Variants in EGFLAM observed in about 807,000 individuals in gnomAD.
EGFLAM encodes the protein EGF like, fibronectin type III and laminin G domains.
A neutral mutation model predicts 113.1 loss-of-function variants in EGFLAM; 79 were observed. That is an observed-to-expected ratio of 0.70 (90% CI 0.58 to 0.84). The LOEUF (loss-of-function observed/expected upper bound fraction) is 0.84. Ranked by LOEUF, EGFLAM falls within the 40% of genes least tolerant of loss-of-function variation. The probability of loss-of-function intolerance (pLI) is 0.00; values close to 1 mark genes in which losing one functional copy is unlikely to be tolerated. For synonymous variants in EGFLAM, 504 were observed against 487.6 expected (o/e 1.03, Z -0.44); for missense variants, 1,265 against 1,291.6 (o/e 0.98, Z 0.32).
intron 1 of EGFLAM, among the ~76,000 whole-genome samples, chr5:38,294,401 A>G (rs1367182646): frequency 6.6e-6 from 1 of 152,214 alleles, no homozygotes; most frequent in Non-Finnish European, 1.5e-5. Context: ...AGCAAATAAT[A>G]TGGCCATCCC....
At chr5:38,440,350 C>T (rs1742493060) in intron 17 of EGFLAM, among the ~76,000 whole-genome samples, 1 of 152,082 alleles carries the variant, frequency 6.6e-6, no homozygotes, top group African/African-American at 2.4e-5. Flanking sequence ...GAGGTATGGC[C>T]CCTATCCCAT....
intron 5 of EGFLAM, among the ~76,000 whole-genome samples, chr5:38,352,664 C>T (rs1336844854): frequency 6.7e-6 from 1 of 149,402 alleles, no homozygotes; most frequent in Non-Finnish European, 1.5e-5. Context: ...AAAAAAAAGC[C>T]AAATGTGTAG....
intron 1 of EGFLAM, among the ~76,000 whole-genome samples, chr5:38,293,132 C>A (rs750785287): frequency 2.0e-5 from 3 of 152,268 alleles, no homozygotes; most frequent in Non-Finnish European, 4.4e-5. Context: ...TTACTTTTAA[C>A]CTTTTAATTC....
intron 1 of EGFLAM, among the ~76,000 whole-genome samples, chr5:38,282,980 T>C (rs554395828): frequency 3.3e-5 from 5 of 152,232 alleles, no homozygotes; most frequent in Non-Finnish European, 5.9e-5. Flanking sequence ...GCCCCCTGAA[T>C]AGCTGGGACT....
At chr5:38,317,241 C>A (rs546712890) in intron 1 of EGFLAM, among the ~76,000 whole-genome samples, 2 of 152,292 alleles carry the variant, frequency 1.3e-5, no homozygotes, top group African/African-American at 4.8e-5. Flanking sequence ...ATGTTGCATG[C>A]AGCTGAGAAG....
chr5:38,396,422 G>A (rs6867586), intron 6 of EGFLAM, among the ~76,000 whole-genome samples: 30,524 of 152,036 alleles, frequency 0.2, 3,587 homozygotes, highest in African/African-American at 0.31. Context: ...TACATAGATC[G>A]TATCAGATTA....
chr5:38,313,635 A>C lies in EGFLAM; in HGVS notation c.98-23885A>C, dbSNP rs573833119. Among the ~76,000 whole-genome samples the C allele has an allele frequency of 1.4e-4, 21 of 152,326 alleles. No homozygotes were observed. The South Asian group carries it at 4.3e-3, about 32-fold the overall frequency. On this transcript the variant is annotated intron_variant, in intron 1 of 21. Transcript: ENST00000322350. ...TAAAATAACTAATCAAAACATATAA[A>C]AACACTCCCTTTATAGAACTGGATT...
At position 38,407,859 on chromosome 5, in the gene EGFLAM, C is replaced by T. The variant is rs779744264; in HGVS notation, c.1202C>T (p.Pro401Leu). The change falls in exon 9 of 22, where the codon CCT (proline) becomes CTT (leucine). Residue 401 changes from proline (P) to leucine (L), a missense_variant. Transcript: ENST00000322350. ...FFGHSYVTFE[P>L]LKNSYQAFQI... ...GGCCACTCCTATGTAACGTTTGAAC[C>T]TCTGAAGAATTCTTATCAGGCATTT... 2 of 1,613,886 alleles carry T rather than the reference C, an allele frequency of 1.2e-6. No homozygotes were observed. Among genetic ancestry groups the T allele is most frequent in the Non-Finnish European group, 1.7e-6 (2 of 1,179,802 alleles).
chr5:38,425,856 A>C (rs1741987780), intron 13 of EGFLAM, among the ~76,000 whole-genome samples: 1 of 152,184 alleles, frequency 6.6e-6, no homozygotes, highest in Non-Finnish European at 1.5e-5. Flanking sequence ...GGCCAGGCGC[A>C]GTGGCTCACG....
At chr5:38,387,801 G>A (rs1740704170) in intron 6 of EGFLAM, among the ~76,000 whole-genome samples, 1 of 152,256 alleles carries the variant, frequency 6.6e-6, no homozygotes, top group Admixed American at 6.5e-5. Context: ...TTAATTGTAT[G>A]ACCTAGAGAG....
chr5:38,332,332 A>G (rs1579783047), intron 1 of EGFLAM, among the ~76,000 whole-genome samples: 1 of 152,200 alleles, frequency 6.6e-6, no homozygotes, highest in African/African-American at 2.4e-5. Context: ...GGTTTGTTAC[A>G]TAGGTAAATA....
At position 38,407,113 on chromosome 5, in the gene EGFLAM, A is replaced by T. The variant is rs1324061661; in HGVS notation, c.1114A>T (p.Thr372Ser). The T allele has an allele frequency of 6.2e-7, 1 of 1,613,862 alleles. No homozygotes were observed. The highest frequency in any genetic ancestry group is 8.5e-7 in the Non-Finnish European group (1 of 1,180,036). Residue 372 changes from threonine (T) to serine (S), a missense_variant, in exon 8 of 22, where the codon ACC (threonine) becomes TCC (serine). Transcript: ENST00000322350. ...YTWGGSRCQC[T>S]LGKGGESCSE... ...CTGGGGGGGCTCGCGATGCCAGTGC[A>T]CCCTGGGCAAAGGTGGTGAGAGCTG...
intron 11 of EGFLAM, among the ~76,000 whole-genome samples, chr5:38,415,921 C>G (rs1233395157): frequency 1.3e-5 from 2 of 152,030 alleles, no homozygotes; most frequent in South Asian, 4.1e-4. Context: ...CTCACTACCA[C>G]GAGAACAGCA....
intron 5 of EGFLAM, among the ~76,000 whole-genome samples, chr5:38,356,407 C>G (rs1481932897): frequency 1.3e-5 from 2 of 152,216 alleles, no homozygotes; most frequent in African/African-American, 4.8e-5. Context: ...CGTAGACACT[C>G]AGCGTGTATC....
intron 6 of EGFLAM, among the ~76,000 whole-genome samples, chr5:38,391,077 A>G (rs1740793952): frequency 6.6e-6 from 1 of 152,134 alleles, no homozygotes; most frequent in African/African-American, 2.4e-5. Flanking sequence ...CAAGGTCATT[A>G]GGCAATATCT....
chr5:38,439,137 T>C (rs1332192154), intron 17 of EGFLAM, among the ~76,000 whole-genome samples: 1 of 152,164 alleles, frequency 6.6e-6, no homozygotes, highest in Non-Finnish European at 1.5e-5. Flanking sequence ...CAAATACTGG[T>C]CATTATTATT....
chr5:38,310,711 C>T (rs1416195212), intron 1 of EGFLAM, among the ~76,000 whole-genome samples: 3 of 151,968 alleles, frequency 2.0e-5, no homozygotes, highest in Admixed American at 6.6e-5. Flanking sequence ...AATTTGCAGG[C>T]GATTTTTGAA....
chr5:38,434,655 G>A (rs1742288847), intron 15 of EGFLAM, among the ~76,000 whole-genome samples: 2 of 152,158 alleles, frequency 1.3e-5, no homozygotes. Flanking sequence ...CTGAGATCTG[G>A]GCTGAAGGAA....
At chr5:38,263,748 T>G (rs890975447) in intron 1 of EGFLAM, among the ~76,000 whole-genome samples, 2 of 152,184 alleles carry the variant, frequency 1.3e-5, no homozygotes, top group Non-Finnish European at 1.5e-5. Flanking sequence ...TGCAGAAGTT[T>G]TTTAGGTTTT....
Sources: gnomAD v4.1 joint callset for allele counts (sites outside exome capture counted in the v4.1 genomes callset) on GRCh38, gnomAD v4.1.1 for gene constraint, MANE v1.5 for transcripts, NCBI Gene and HGNC (gene_info 2026-07-23, HGNC 2026-07-21) for gene names.